CDH18: variants seen among roughly 807,000 people sequenced by gnomAD.
CDH18 encodes the protein cadherin-18.
A neutral mutation model predicts 67.9 loss-of-function variants in CDH18; 31 were observed. The ratio of observed to expected loss-of-function variants is 0.46; its 90% CI spans 0.34 to 0.62. The LOEUF is 0.62. CDH18 is among the 20% of genes least tolerant of loss of function. CDH18 has a pLI of 0.01. For missense variants in CDH18, 890 were observed against 975.5 expected (o/e 0.91, Z 1.17); for synonymous variants, 362 against 347.2 (o/e 1.04, Z -0.48).
At chr5:19,684,924 T>A (rs201604359) in intron 5 of CDH18, among the ~76,000 whole-genome samples, 1 of 152,102 alleles carries the variant, frequency 6.6e-6, no homozygotes, top group Non-Finnish European at 1.5e-5. Flanking sequence ...AATATGGCTG[T>A]AAAAATTTTC....
rs150651865 is a variant in CDH18, at chr5:19,828,738, T to C, written c.228+10021A>G. The stretch of plus-strand genomic sequence containing the variant: ...AAACGAGGCACTGAAGGAACTTACT[T>C]CAAAATAACAGGAGCCGGCTGGGCG... On this transcript the variant is annotated intron_variant, in intron 3 of 12. Coordinates refer to ENST00000382275, the MANE Select transcript of CDH18 (RefSeq NM_004934.5). 5.5e-3 allele frequency among the ~76,000 whole-genome samples: 837 copies of C among 152,266 alleles called. 3 individuals are homozygous for C. Among genetic ancestry groups the C allele is most frequent in the South Asian group, 0.011 (54 of 4,826 alleles).
At chr5:19,914,637 T>C (rs1254318209) in intron 2 of CDH18, among the ~76,000 whole-genome samples, 1 of 152,110 alleles carries the variant, frequency 6.6e-6, no homozygotes, top group African/African-American at 2.4e-5. Flanking sequence ...TGATTATTGA[T>C]TGTAAAAGTA....
chr5:19,549,642 G>A (rs1390385115), intron 8 of CDH18, among the ~76,000 whole-genome samples: 2 of 149,606 alleles, frequency 1.3e-5, no homozygotes, highest in Non-Finnish European at 3.0e-5. Flanking sequence ...AAAAATGGAG[G>A]GAGGGAGAGA....
chr5:20,275,522 C>T (rs185170968), intron 1 of CDH18, among the ~76,000 whole-genome samples: 129 of 152,154 alleles, frequency 8.5e-4, no homozygotes, highest in South Asian at 1.9e-3. Flanking sequence ...CTGACTAATA[C>T]GCCACTTAAC....
intron 2 of CDH18, among the ~76,000 whole-genome samples, chr5:19,974,883 G>A (rs1334341014): frequency 6.6e-6 from 1 of 152,124 alleles, no homozygotes; most frequent in Non-Finnish European, 1.5e-5. Context: ...GAAGAGGAAA[G>A]CTGGGCATGC....
intron 2 of CDH18, among the ~76,000 whole-genome samples, chr5:19,974,148 G>T (rs556157494): frequency 6.6e-6 from 1 of 152,136 alleles, no homozygotes; most frequent in African/African-American, 2.4e-5. Flanking sequence ...GGGTGACAAA[G>T]GTGTAAAGGA....
intron 7 of CDH18, among the ~76,000 whole-genome samples, chr5:19,582,504 C>T (rs1339959510): frequency 6.6e-6 from 1 of 151,854 alleles, no homozygotes; most frequent in Non-Finnish European, 1.5e-5. Flanking sequence ...TCAAAGTCAT[C>T]CAAAATATAG....
At chr5:20,406,246 T>C (rs1475241555) in intron 1 of CDH18, among the ~76,000 whole-genome samples, 2 of 152,106 alleles carry the variant, frequency 1.3e-5, no homozygotes, top group African/African-American at 2.4e-5. Context: ...CGGAATACTA[T>C]GCAGCCATAA....
intron 11 of CDH18, among the ~76,000 whole-genome samples, chr5:19,491,441 A>C (rs902587866): frequency 3.3e-5 from 5 of 152,218 alleles, no homozygotes; most frequent in African/African-American, 1.2e-4. Context: ...TGAAGGACAA[A>C]AATAAACTAC....
intron 1 of CDH18, among the ~76,000 whole-genome samples, chr5:20,260,645 G>C (rs1317466503): frequency 1.3e-5 from 2 of 152,132 alleles, no homozygotes; most frequent in Non-Finnish European, 2.9e-5. Context: ...TACCTTGAGT[G>C]TGGGTAGGAT....
At chr5:19,521,570 T>C (rs951635894) in intron 9 of CDH18, among the ~76,000 whole-genome samples, 3 of 152,032 alleles carry the variant, frequency 2.0e-5, no homozygotes, top group Admixed American at 2.0e-4. Flanking sequence ...CAATTCAAAT[T>C]TAAATTGTAA....
At chr5:20,118,877 G>A (rs1561805359) in intron 2 of CDH18, among the ~76,000 whole-genome samples, 1 of 152,020 alleles carries the variant, frequency 6.6e-6, no homozygotes, top group Admixed American at 6.6e-5. Flanking sequence ...TGCACTGTCT[G>A]GAAATTGTGT....
intron 1 of CDH18, among the ~76,000 whole-genome samples, chr5:20,430,648 T>C (rs1012080642): frequency 1.3e-5 from 2 of 152,224 alleles, no homozygotes; most frequent in Non-Finnish European, 2.9e-5. Context: ...TAAATAATAT[T>C]TGTTTTTATC....
intron 1 of CDH18, among the ~76,000 whole-genome samples, chr5:20,554,504 T>C (rs1350097234): frequency 6.6e-6 from 1 of 152,222 alleles, no homozygotes; most frequent in African/African-American, 2.4e-5. Flanking sequence ...TTTGTAATGC[T>C]TCTCACTAGG....
chr5:19,482,358 C>T (rs1310309923), intron 12 of CDH18, among the ~76,000 whole-genome samples: 16 of 151,988 alleles, frequency 1.1e-4, no homozygotes, highest in African/African-American at 2.7e-4. Flanking sequence ...CTTCGTGATC[C>T]GCCCGCCTCG....
At chr5:20,437,998 AT>A (rs1749304121) in intron 1 of CDH18, among the ~76,000 whole-genome samples, 1 of 151,320 alleles carries the variant, frequency 6.6e-6, no homozygotes, top group Admixed American at 6.6e-5. Context: ...ATATAAGTAT[AT>A]TTTAAGGGTA....
intron 2 of CDH18, among the ~76,000 whole-genome samples, chr5:19,904,403 G>A (rs952099597): frequency 2.0e-5 from 3 of 150,754 alleles, no homozygotes; most frequent in African/African-American, 4.9e-5. Context: ...GAAGAGAAGG[G>A]AAGGGAAAGG....
At chr5:19,746,712 A>C (rs1770042852) in intron 4 of CDH18, among the ~76,000 whole-genome samples, 1 of 152,172 alleles carries the variant, frequency 6.6e-6, no homozygotes, top group Non-Finnish European at 1.5e-5. Flanking sequence ...TCCCCTTGAG[A>C]TCCAACTATT....
intron 1 of CDH18, among the ~76,000 whole-genome samples, chr5:20,414,448 A>G (rs1190706188): frequency 1.3e-5 from 2 of 152,194 alleles, no homozygotes; most frequent in Non-Finnish European, 2.9e-5. Flanking sequence ...GGGAAACAAT[A>G]GACACTGGGC....
Sources: allele counts gnomAD v4.1 joint callset (sites outside exome capture counted in the v4.1 genomes callset), GRCh38; gene constraint gnomAD v4.1.1; transcripts MANE v1.5; gene names NCBI Gene and HGNC (gene_info 2026-07-23, HGNC 2026-07-21).